RPS6KA2: variants seen among roughly 807,000 people sequenced by gnomAD.
The protein encoded by RPS6KA2 is ribosomal protein S6 kinase A2, also known as ribosomal protein S6 kinase alpha-2.
Under a neutral mutation model 91.8 loss-of-function variants are expected in RPS6KA2, and 42 were observed. The ratio of observed to expected loss-of-function variants is 0.46; its 90% confidence interval spans 0.36 to 0.59. The LOEUF is 0.59. Ranked by LOEUF, RPS6KA2 falls within the 20% of genes least tolerant of loss-of-function variation. The probability of loss-of-function intolerance (pLI) is 0.00; values close to 1 mark genes in which losing one functional copy is unlikely to be tolerated. For missense variants in RPS6KA2, 798 were observed against 978.5 expected (o/e 0.82, Z 2.46); for synonymous variants, 414 against 393.6 (o/e 1.05, Z -0.61).
intron 3 of RPS6KA2, among the ~76,000 whole-genome samples, chr6:166,517,192 A>G (rs1315205961): frequency 6.6e-6 from 1 of 152,174 alleles, no homozygotes; most frequent in Non-Finnish European, 1.5e-5. Context: ...AAAACAAAAC[A>G]AAACAAAAAA....
At chr6:166,761,418 G>A (rs1477559147) in intron 2 of RPS6KA2, among the ~76,000 whole-genome samples, 1 of 152,192 alleles carries the variant, frequency 6.6e-6, no homozygotes, top group Admixed American at 6.5e-5. Context: ...CATTTTTAAA[G>A]ACATTATTTT....
At chr6:166,672,680 T>C (rs1006909851) in intron 2 of RPS6KA2, among the ~76,000 whole-genome samples, 2 of 152,192 alleles carry the variant, frequency 1.3e-5, no homozygotes, top group Non-Finnish European at 2.9e-5. Flanking sequence ...AGGAATGACA[T>C]TGTACTGGAC....
intron 19 of RPS6KA2, among the ~76,000 whole-genome samples, chr6:166,417,543 G>A (rs1583104571): frequency 1.3e-5 from 2 of 151,844 alleles, no homozygotes; most frequent in South Asian, 2.1e-4. Flanking sequence ...CCAGCCTGCC[G>A]GCTGCCCTGC....
intron 2 of RPS6KA2, among the ~76,000 whole-genome samples, chr6:166,819,267 A>T (rs1249373097): frequency 6.6e-6 from 1 of 152,180 alleles, no homozygotes; most frequent in East Asian, 1.9e-4. Flanking sequence ...TTTACAAGGT[A>T]AGCAAATATA....
chr6:166,747,887 C>T (rs73263056), intron 2 of RPS6KA2, among the ~76,000 whole-genome samples: 2,504 of 152,294 alleles, frequency 0.016, 63 homozygotes, highest in African/African-American at 0.057. Context: ...AGCAGATTCT[C>T]GACCTCTGCA....
intron 10 of RPS6KA2, among the ~76,000 whole-genome samples, chr6:166,470,561 AG>A (rs1302380971): frequency 6.6e-6 from 1 of 152,204 alleles, no homozygotes; most frequent in Non-Finnish European, 1.5e-5. Context: ...GCAGAAAGGA[AG>A]GAGGGAGGAG....
intron 1 of RPS6KA2, among the ~76,000 whole-genome samples, chr6:166,543,293 A>G (rs746077147): frequency 7.9e-5 from 12 of 152,328 alleles, no homozygotes; most frequent in Non-Finnish European, 1.5e-4. Context: ...TTCTGAACGT[A>G]TGAATGTTCT....
At chr6:166,798,830 G>T (rs922086837) in intron 2 of RPS6KA2, among the ~76,000 whole-genome samples, 2 of 152,136 alleles carry the variant, frequency 1.3e-5, no homozygotes, top group African/African-American at 4.8e-5. Flanking sequence ...CCTCTCCAGG[G>T]TGTGTTCCTG....
At chr6:166,476,996 C>A (rs77801004) in intron 10 of RPS6KA2, among the ~76,000 whole-genome samples, 6 of 152,100 alleles carry the variant, frequency 3.9e-5, no homozygotes, top group Non-Finnish European at 8.8e-5. Context: ...TTTGGAGGAA[C>A]GAGAATAAGG....
chr6:166,657,040 C>T (rs1258538232), intron 2 of RPS6KA2, among the ~76,000 whole-genome samples: 1 of 152,096 alleles, frequency 6.6e-6, no homozygotes, highest in Non-Finnish European at 1.5e-5. Context: ...CTAGCTGCTT[C>T]CTCACCCAGG....
At chr6:166,581,724 G>A (rs562629055) in intron 1 of RPS6KA2, among the ~76,000 whole-genome samples, 23 of 152,356 alleles carry the variant, frequency 1.5e-4, no homozygotes, top group Admixed American at 4.6e-4. Flanking sequence ...CACCCTGGGC[G>A]AGATGGGGAG....
intron 2 of RPS6KA2, among the ~76,000 whole-genome samples, chr6:166,748,735 T>TCCCCTTGGGCCCCCAC (rs1791139994): frequency 1.0e-4 from 1 of 9,572 alleles, no homozygotes. Context: ...CAGGCCCCCA[T>TCCCCTTGGGCCCCCAC]CTCCTCAGGC....
At chr6:166,468,446 AGAG>A (rs1780621558) in intron 11 of RPS6KA2, among the ~76,000 whole-genome samples, 1 of 152,216 alleles carries the variant, frequency 6.6e-6, no homozygotes, top group Non-Finnish European at 1.5e-5. Context: ...GGCTGAAGGA[AGAG>A]GAGAGCTGGC....
intron 14 of RPS6KA2, among the ~76,000 whole-genome samples, chr6:166,441,935 T>C (rs1027402857): frequency 2.0e-5 from 3 of 152,238 alleles, no homozygotes; most frequent in Non-Finnish European, 4.4e-5. Context: ...CCAGGTGCAC[T>C]GTGCCTTTGG....
At position 166,418,994 on chromosome 6, in the gene RPS6KA2, C is replaced by T. The variant is rs1285772614; in HGVS notation, c.1821-652G>A. On this transcript the variant is annotated intron_variant, in intron 18 of 20. Coordinates refer to ENST00000265678, the MANE Select transcript of RPS6KA2 (RefSeq NM_021135.6). The surrounding 1 kb of genome is among the most constrained non-coding windows in gnomAD (Gnocchi z 4.9). ...TTAGAAGCGTCACAAAGTAACCTGACTGTGGTATTGGTAAGAAACTGAGGT... is the reference window on the plus strand; with the variant it reads ...TTAGAAGCGTCACAAAGTAACCTGATTGTGGTATTGGTAAGAAACTGAGGT... 6.6e-6 allele frequency among the ~76,000 whole-genome samples: 1 copy of T among 152,228 alleles called. No homozygotes were observed. Among genetic ancestry groups the T allele is most frequent in the Non-Finnish European group, 1.5e-5 (1 of 68,044 alleles).
At chr6:166,527,039 A>G (rs1019037320) in intron 3 of RPS6KA2, among the ~76,000 whole-genome samples, 179 of 152,246 alleles carry the variant, frequency 1.2e-3, no homozygotes, top group African/African-American at 4.2e-3. Flanking sequence ...ACAGCCGTGG[A>G]TACTTGCATT....
intron 2 of RPS6KA2, among the ~76,000 whole-genome samples, chr6:166,792,217 T>A (rs1426980302): frequency 1.3e-5 from 2 of 152,176 alleles, no homozygotes; most frequent in Admixed American, 1.3e-4. Flanking sequence ...CAGAGAATAT[T>A]ATAAACACCT....
intron 2 of RPS6KA2, among the ~76,000 whole-genome samples, chr6:166,777,960 AAATCTT>A (rs1778670222): frequency 6.6e-6 from 1 of 152,258 alleles, no homozygotes; most frequent in Non-Finnish European, 1.5e-5. Flanking sequence ...AGACTAAAGT[AAATCTT>A]AATACAGTAA....
chr6:166,762,756 A>C (rs991916160), intron 2 of RPS6KA2, among the ~76,000 whole-genome samples: 6 of 152,006 alleles, frequency 3.9e-5, no homozygotes, highest in African/African-American at 1.5e-4. Flanking sequence ...TTCTGCCCCG[A>C]CTTCTGGGAG....
Sources: allele counts gnomAD v4.1 joint callset (sites outside exome capture counted in the v4.1 genomes callset), GRCh38; gene constraint gnomAD v4.1.1; non-coding constraint Gnocchi (gnomAD v3.1); transcripts MANE v1.5; gene names NCBI Gene and HGNC (gene_info 2026-07-23, HGNC 2026-07-21).